EPHB1: variants seen among roughly 807,000 people sequenced by gnomAD.
EPHB1 encodes the protein EPH receptor B1.
EPHB1 carries 30 observed loss-of-function variants against 94.4 expected under a neutral mutation model. That is an observed-to-expected ratio of 0.32 (90% CI 0.24 to 0.43). The LOEUF is 0.43. EPHB1 is among the 20% of genes least tolerant of loss of function. EPHB1 has a pLI of 1.00. For missense variants in EPHB1, 1,055 were observed against 1,308.3 expected, an observed-to-expected ratio of 0.81 and a Z score of 2.99; for synonymous variants, 522 against 489.1, an observed-to-expected ratio of 1.07 and a Z score of -0.89.
At chr3:134,996,220 G>T (rs1053948663) in intron 3 of EPHB1, among the ~76,000 whole-genome samples, 3 of 151,948 alleles carry the variant, frequency 2.0e-5, no homozygotes, top group Non-Finnish European at 2.9e-5. Context: ...TGAAAACAGG[G>T]TATCACTCTG....
chr3:135,161,910 G>C (rs1210715890), intron 6 of EPHB1, 108 bp from the exon 7 acceptor site: 3 of 1,233,982 alleles, frequency 2.4e-6, no homozygotes, highest in Non-Finnish European at 2.2e-6. Context: ...ACTGCTAGCA[G>C]ATATGCAGGA....
At chr3:134,959,196 A>G (rs1252103030) in intron 3 of EPHB1, among the ~76,000 whole-genome samples, 1 of 152,168 alleles carries the variant, frequency 6.6e-6, no homozygotes, top group South Asian at 2.1e-4. Context: ...CCCTAATGCC[A>G]TCGTTTTCTT....
At chr3:135,232,171 C>G (rs1943547064) in intron 12 of EPHB1, among the ~76,000 whole-genome samples, 1 of 152,212 alleles carries the variant, frequency 6.6e-6, no homozygotes, top group Admixed American at 6.5e-5. Context: ...TGTTATGAGT[C>G]TTGTCTGGAA....
intron 11 of EPHB1, among the ~76,000 whole-genome samples, chr3:135,198,856 T>C (rs1272190220): frequency 2.6e-5 from 4 of 152,216 alleles, no homozygotes; most frequent in African/African-American, 7.2e-5. Flanking sequence ...TGGAAATAAC[T>C]GCTCTGGAGG....
chr3:135,093,470 C>A (rs1283817910), intron 3 of EPHB1, among the ~76,000 whole-genome samples: 4 of 152,160 alleles, frequency 2.6e-5, no homozygotes, highest in African/African-American at 9.7e-5. Flanking sequence ...GTAATCCCGG[C>A]ATTTTTGGAG....
At chr3:134,798,671 A>G (rs920744432) in intron 1 of EPHB1, among the ~76,000 whole-genome samples, 2 of 152,012 alleles carry the variant, frequency 1.3e-5, no homozygotes, top group South Asian at 2.1e-4. Context: ...CTGACAAACA[A>G]CTGCCTCTTC....
intron 6 of EPHB1, among the ~76,000 whole-genome samples, chr3:135,156,949 C>T (rs953250262): frequency 4.6e-5 from 7 of 152,184 alleles, no homozygotes; most frequent in African/African-American, 7.2e-5. Context: ...GCTTGTAGCT[C>T]TATTGAAATA....
At chr3:135,170,866 C>G (rs1195558689) in intron 9 of EPHB1, among the ~76,000 whole-genome samples, 2 of 152,118 alleles carry the variant, frequency 1.3e-5, no homozygotes, top group African/African-American at 4.8e-5. Context: ...GGTTTAGGGT[C>G]AAGGGCTTTC....
intron 3 of EPHB1, among the ~76,000 whole-genome samples, chr3:135,048,222 C>CTTT (rs1491352980): frequency 1.3e-5 from 1 of 76,966 alleles, no homozygotes; most frequent in African/African-American, 7.6e-5. Context: ...AAAAAAAATA[C>CTTT]TCTTTTTTTT....
intron 3 of EPHB1, among the ~76,000 whole-genome samples, chr3:134,976,484 A>T (rs575625777): frequency 2.0e-5 from 3 of 152,342 alleles, no homozygotes; most frequent in Admixed American, 2.0e-4. Flanking sequence ...ATCATCAAAG[A>T]TAAATCTAAT....
intron 1 of EPHB1, among the ~76,000 whole-genome samples, chr3:134,919,612 C>A (rs542040616): frequency 6.6e-6 from 1 of 152,244 alleles, no homozygotes; most frequent in South Asian, 2.1e-4. Context: ...GCAGTAGACA[C>A]CCTGAGGAGC....
chr3:135,243,361 G>T (rs1407244386), intron 13 of EPHB1, among the ~76,000 whole-genome samples: 1 of 152,136 alleles, frequency 6.6e-6, no homozygotes, highest in Admixed American at 6.5e-5. Flanking sequence ...TTACAGTCCG[G>T]TGGCATAAAC....
intron 3 of EPHB1, among the ~76,000 whole-genome samples, chr3:135,031,006 C>T (rs1283817498): frequency 9.2e-5 from 14 of 152,186 alleles, no homozygotes; most frequent in Non-Finnish European, 1.8e-4. Flanking sequence ...TCCATCACCC[C>T]TTTCTTTGAT....
chr3:135,181,156 G>A (rs1255081879), intron 10 of EPHB1, among the ~76,000 whole-genome samples: 1 of 152,186 alleles, frequency 6.6e-6, no homozygotes, highest in East Asian at 1.9e-4. Context: ...TTGAGAGTCT[G>A]TCCCATTAGG....
At chr3:135,244,572 G>T (rs562453680) in intron 13 of EPHB1, among the ~76,000 whole-genome samples, 2 of 152,240 alleles carry the variant, frequency 1.3e-5, no homozygotes, top group East Asian at 3.9e-4. Flanking sequence ...CCTGGTCATT[G>T]TCATTTACAG....
chr3:135,150,553 T>C (rs1021270916), intron 5 of EPHB1, among the ~76,000 whole-genome samples: 2 of 152,242 alleles, frequency 1.3e-5, no homozygotes, highest in African/African-American at 4.8e-5. Flanking sequence ...TCATTTTACC[T>C]GACTTAGCAA....
At chr3:134,915,376 G>A (rs1411518126) in intron 1 of EPHB1, among the ~76,000 whole-genome samples, 3 of 151,058 alleles carry the variant, frequency 2.0e-5, no homozygotes, top group South Asian at 2.1e-4. Flanking sequence ...AGCATGTGAC[G>A]AGGTAGGCAG....
In EPHB1 at chr3:134,804,071, ATTTTTTTTTTTTTTTTTT is replaced by A. The variant is rs572201781; in HGVS notation, c.58+8400_58+8417del. Among the ~76,000 whole-genome samples, 95 of 43,768 alleles carry A rather than the reference ATTTTTTTTTTTTTTTTTT, an allele frequency of 2.2e-3. 1 individual carries two copies. The highest frequency in any genetic ancestry group is 7.3e-3 in the Admixed American group (18 of 2,454). The allele number at this position is 43,768 out of a possible 152,430, so 28.7% of individuals were successfully genotyped here. A position where few individuals can be genotyped will look rare whatever the true frequency, so the allele number is the denominator to read the frequency against. On this transcript the variant is annotated intron_variant, in intron 1 of 15. Coordinates refer to ENST00000398015, the MANE Select transcript of EPHB1 (RefSeq NM_004441.5). ...ACCCCCACTGTGGTCATTATTGGCTATTTTTTTTTTTTTTTTTTTTTTTTTTTTTTTTTTTGCTGCATG... is the reference window on the plus strand; with the variant it reads ...ACCCCCACTGTGGTCATTATTGGCTATTTTTTTTTTTTTTTTTGCTGCATG...
chr3:135,034,829 C>A (rs1936592303), intron 3 of EPHB1, among the ~76,000 whole-genome samples: 2 of 152,180 alleles, frequency 1.3e-5, no homozygotes, highest in Admixed American at 1.3e-4. Flanking sequence ...TGCCTGGGAG[C>A]CTTTTGAAAC....
Sources: allele counts gnomAD v4.1 joint callset (sites outside exome capture counted in the v4.1 genomes callset), GRCh38; gene constraint gnomAD v4.1.1; transcripts MANE v1.5; gene names NCBI Gene and HGNC (gene_info 2026-07-23, HGNC 2026-07-21).